Variants in GLRA1 observed in about 807,000 individuals in gnomAD.
GLRA1 encodes glycine receptor alpha 1, also known as glycine receptor subunit alpha-1.
Under a neutral mutation model 48.3 loss-of-function variants are expected in GLRA1, and 37 were observed. The ratio of observed to expected loss-of-function variants is 0.77; its 90% CI spans 0.59 to 1.01. GLRA1 has a LOEUF of 1.01. Among genes scored for constraint, GLRA1 ranks in the 50% least tolerant of loss-of-function variants. The probability of loss-of-function intolerance (pLI) is 0.00; values close to 1 mark genes in which losing one functional copy is unlikely to be tolerated. For synonymous variants in GLRA1, 196 were observed against 210.7 expected, an observed-to-expected ratio of 0.93 and a Z score of 0.60; for missense variants, 427 against 571.0, an observed-to-expected ratio of 0.75 and a Z score of 2.57.
At chr5:151,896,666 C>T (rs1433802400) in intron 1 of GLRA1, among the ~76,000 whole-genome samples, 1 of 152,174 alleles carries the variant, frequency 6.6e-6, no homozygotes. Flanking sequence ...CCAGCTGTTT[C>T]CTGATATCAC....
chr5:151,833,725 C>T (rs556064848), intron 7 of GLRA1, among the ~76,000 whole-genome samples: 35 of 135,642 alleles, frequency 2.6e-4, no homozygotes, highest in African/African-American at 7.3e-4. Flanking sequence ...GGCCTCCCAG[C>T]GTGCTGGGAT....
chr5:151,858,633 C>G (rs9324713), intron 4 of GLRA1, among the ~76,000 whole-genome samples: 3,403 of 152,192 alleles, frequency 0.022, 51 homozygotes, highest in South Asian at 0.073. Flanking sequence ...TCCTCCAAGC[C>G]TGCTCTTGAT....
chr5:151,844,871 G>C (rs1752627866), intron 7 of GLRA1, among the ~76,000 whole-genome samples: 1 of 152,028 alleles, frequency 6.6e-6, no homozygotes. Context: ...GTCTGGAAAA[G>C]TTCAAGATTG....
At chr5:151,858,497 C>T (rs1039584208) in intron 4 of GLRA1, among the ~76,000 whole-genome samples, 2 of 152,218 alleles carry the variant, frequency 1.3e-5, no homozygotes, top group African/African-American at 4.8e-5. Flanking sequence ...GCTGACCTTA[C>T]CATCCCCGCA....
chr5:151,850,758 T>C, intron 7 of GLRA1: 1 of 1,026,190 alleles, frequency 9.7e-7, no homozygotes, highest in Non-Finnish European at 1.5e-6. Flanking sequence ...GTCTTCTCAA[T>C]GAAACCGGCA....
chr5:151,863,621 C>T (rs1293722442), intron 3 of GLRA1, among the ~76,000 whole-genome samples: 4 of 152,056 alleles, frequency 2.6e-5, no homozygotes, highest in Non-Finnish European at 5.9e-5. Context: ...AGTTCAAGTC[C>T]AACTTTAAAT....
chr5:151,899,017 G>A (rs2113430921), intron 1 of GLRA1, among the ~76,000 whole-genome samples: 1 of 152,304 alleles, frequency 6.6e-6, no homozygotes, highest in Non-Finnish European at 1.5e-5. Context: ...CAAAAGAAGA[G>A]TTTAGTGTGT....
chr5:151,906,775 G>A (rs367782721), intron 1 of GLRA1, among the ~76,000 whole-genome samples: 104 of 152,304 alleles, frequency 6.8e-4, no homozygotes, highest in African/African-American at 2.5e-3. Context: ...ACTTGGTTGA[G>A]AGTTAACGTG....
chr5:151,864,000 A>G (rs1753269709), intron 3 of GLRA1, among the ~76,000 whole-genome samples: 1 of 152,196 alleles, frequency 6.6e-6, no homozygotes. Flanking sequence ...TGGTGGTGGA[A>G]GAACTTCAGG....
At chr5:151,894,820 A>G (rs1054957700) in intron 1 of GLRA1, among the ~76,000 whole-genome samples, 2 of 152,240 alleles carry the variant, frequency 1.3e-5, no homozygotes, top group Non-Finnish European at 2.9e-5. Flanking sequence ...TTTAAAAATA[A>G]TTAGACAATT....
chr5:151,861,142 T>G (rs1018972757), intron 3 of GLRA1, among the ~76,000 whole-genome samples: 1 of 152,206 alleles, frequency 6.6e-6, no homozygotes, highest in African/African-American at 2.4e-5. Context: ...GACATTTGGG[T>G]TGGTTCCAAG....
Position 151,887,533 on chromosome 5 carries a change from G to A in GLRA1, c.185-745C>T, listed in dbSNP as rs114075612. Among the ~76,000 whole-genome samples the A allele has an allele frequency of 1.0e-2, 1,518 of 152,242 alleles. 28 individuals carry two copies. Among genetic ancestry groups the A allele is most frequent in the African/African-American group, 0.035 (1,442 of 41,532 alleles). On this transcript the variant is annotated intron_variant, in intron 2 of 8. Coordinates refer to ENST00000274576, the MANE Select transcript of GLRA1 (RefSeq NM_000171.4). ...CATCATTTCAACAACTCCAGGAGAA[G>A]GTATGGTTATTACCTTCATTTTACA... is the stretch of plus-strand genomic sequence containing the variant.
Position 151,854,758 on chromosome 5 carries a change from C to G in GLRA1, c.697+282G>C, listed in dbSNP as rs559128116. On this transcript the variant is annotated intron_variant, in intron 6 of 8. Coordinates refer to ENST00000274576, the MANE Select transcript of GLRA1 (RefSeq NM_000171.4). ...AGACTACTAGGTGTCTTCCCAATAT[C>G]AGTTCTTTACTTCTGCCTTAGAAAT... 1.8e-3 allele frequency among the ~76,000 whole-genome samples: 276 copies of G among 152,326 alleles called. 3 individuals carry two copies. The South Asian group carries it at 0.025, about 14-fold the overall frequency.
intron 7 of GLRA1, among the ~76,000 whole-genome samples, chr5:151,839,132 T>A (rs1487633738): frequency 6.6e-6 from 1 of 152,224 alleles, no homozygotes; most frequent in Non-Finnish European, 1.5e-5. Flanking sequence ...AGGAAAAGAC[T>A]GCCAATTTTT....
rs57043035 is a variant in GLRA1 at position 151,842,056 on chromosome 5, TAAAA to T, written c.912+9330_912+9333del. Among the ~76,000 whole-genome samples, 82 of 129,428 alleles carry T rather than the reference TAAAA, an allele frequency of 6.3e-4. No individual in the cohort carries two copies. In the South Asian group the frequency reaches 8.3e-3, roughly 13 times the overall value. The allele number at this position is 129,428 out of a possible 152,430, so 84.9% of individuals were successfully genotyped here. On this transcript the variant is annotated intron_variant, in intron 7 of 8. Coordinates refer to ENST00000274576, the MANE Select transcript of GLRA1 (RefSeq NM_000171.4). ...TGGATGACAAGAGCAAAACTCCATC[TAAAA>T]AAAAAAAAAAAAAAAATAGAAACTT...
Position 151,859,950 on chromosome 5 carries a change from T to C in GLRA1, c.311A>G (p.Asn104Ser). The C allele has an allele frequency of 1.2e-6, 2 of 1,614,116 alleles. No homozygotes were observed. The highest frequency in any genetic ancestry group is 1.7e-6 in the Non-Finnish European group (2 of 1,179,998). ...QQWNDPRLAYNEYPDDSLDLD... is the reference protein window; with the variant it reads ...QQWNDPRLAYSEYPDDSLDLD... ...GTCCAGAGAGTCGTCAGGGTATTCA[T>C]TATAGGCCAGGCGGGGGTCGTTCCA... Residue 104 changes from asparagine (N) to serine (S), a missense_variant, in exon 4 of 9, where the codon AAT (asparagine) becomes AGT (serine). Around this residue, in one of 4 missense-constraint regions of GLRA1, gnomAD observed 271 missense variants for 434.9 expected, o/e 0.62. Coordinates refer to ENST00000274576, the MANE Select transcript of GLRA1 (RefSeq NM_000171.4).
At chr5:151,905,735 C>T (rs962065500) in intron 1 of GLRA1, among the ~76,000 whole-genome samples, 2 of 151,916 alleles carry the variant, frequency 1.3e-5, no homozygotes, top group South Asian at 2.1e-4. Context: ...CTGAAGTCAA[C>T]GGTGAGTAAG....
chr5:151,896,118 T>A (rs1754221942), intron 1 of GLRA1, among the ~76,000 whole-genome samples: 1 of 152,216 alleles, frequency 6.6e-6, no homozygotes, highest in Non-Finnish European at 1.5e-5. Context: ...CCATTTGGTA[T>A]TAGCATAACA....
chr5:151,823,045 C>A, intron 8 of GLRA1, 82 bp from the exon 9 acceptor site: 1 of 1,220,526 alleles, frequency 8.2e-7, no homozygotes, highest in Non-Finnish European at 1.1e-6. Flanking sequence ...CCTTGGGGGC[C>A]AGGCCATGCC....
Sources: gnomAD v4.1 joint callset for allele counts (sites outside exome capture counted in the v4.1 genomes callset) on GRCh38, gnomAD v4.1.1 for gene constraint, gnomAD v4.1.1 regional missense constraint, MANE v1.5 for transcripts, NCBI Gene and HGNC (gene_info 2026-07-23, HGNC 2026-07-21) for gene names.